The following ART3 variants were observed in gnomAD, a reference collection of about 807,000 sequenced individuals.
ART3 encodes the protein ecto-ADP-ribosyltransferase 3.
Under a neutral mutation model 48.5 loss-of-function variants are expected in ART3, and 49 were observed. The ratio of observed to expected loss-of-function variants is 1.01; its 90% CI spans 0.80 to 1.28. The LOEUF (loss-of-function observed/expected upper bound fraction) is 1.28, where lower values mean the gene tolerates loss of function less well. Among genes scored for constraint, ART3 ranks in the 50% most tolerant of loss-of-function variants. ART3 has a pLI of 0.00. For missense variants in ART3, 438 were observed against 454.3 expected (o/e 0.96, Z 0.33); for synonymous variants, 145 against 157.2 (o/e 0.92, Z 0.58).
At chr4:76,042,733 G>GT (rs1196325446) in intron 1 of ART3, among the ~76,000 whole-genome samples, 1 of 152,152 alleles carries the variant, frequency 6.6e-6, no homozygotes, top group Non-Finnish European at 1.5e-5. Context: ...CGCGGTGAGT[G>GT]TTACAGCTCA....
chr4:76,020,993 G>A (rs1304242857), intron 1 of ART3: 1 of 152,158 alleles, frequency 6.6e-6, no homozygotes, highest in East Asian at 1.9e-4. Flanking sequence ...AGGAGAGAGA[G>A]TGGTAATTCT....
chr4:76,048,791 G>C (rs112916144), intron 1 of ART3, among the ~76,000 whole-genome samples: 1 of 146,114 alleles, frequency 6.8e-6, no homozygotes, highest in African/African-American at 2.5e-5. Flanking sequence ...ACCACAAGGA[G>C]GACCGACCAC....
intron 1 of ART3, chr4:76,023,281 T>C (rs1452954337): frequency 1.9e-6 from 2 of 1,052,554 alleles, no homozygotes; most frequent in African/African-American, 3.2e-5. Flanking sequence ...GCAGTGAAAC[T>C]TTTACAAATA....
At chr4:76,105,509 C>A in intron 10 of ART3, 1 of 1,288,578 alleles carries the variant, frequency 7.8e-7, no homozygotes, top group Non-Finnish European at 1.0e-6. Context: ...CTGAAAACCT[C>A]TTTCTTGTTT....
intron 1 of ART3, among the ~76,000 whole-genome samples, chr4:76,029,586 T>TG (rs1364368305): frequency 6.6e-6 from 1 of 152,208 alleles, no homozygotes; most frequent in Non-Finnish European, 1.5e-5. Flanking sequence ...ACAGTTTTTT[T>TG]TGTGTGTGTA....
chr4:76,100,392 G>A (rs1483580651), intron 6 of ART3, 72 bp downstream of exon 6: 4 of 1,471,578 alleles, frequency 2.7e-6, no homozygotes, highest in African/African-American at 1.4e-5. Flanking sequence ...CAGCACTTTG[G>A]GAGGCCGAGG....
upstream of ART3, among the ~76,000 whole-genome samples, chr4:76,072,688 G>A (rs1720442814): frequency 1.7e-5 from 2 of 114,418 alleles, no homozygotes; most frequent in Non-Finnish European, 3.3e-5. Flanking sequence ...TTCTCTTAGA[G>A]TGAAAGCCAG....
rs1211374697 is a variant in ART3 at position 76,023,398 on chromosome 4, T to C, written c.-10+12078T>C. 1.4e-5 allele frequency: 22 copies of C among 1,613,884 alleles called. No individual in the cohort carries two copies. The highest frequency in any genetic ancestry group is 3.3e-5 in the Admixed American group (2 of 60,002). ...TGAATGCCACTTAGAGTCAGAAAGA[T>C]AAGGCAGCAAATCAGAATGGCAGTT... On this transcript the variant is annotated intron_variant, in intron 1 of 9. Transcript: ENST00000341029.
At chr4:76,046,964 C>T (rs1419227123) in intron 1 of ART3, among the ~76,000 whole-genome samples, 1 of 97,980 alleles carries the variant, frequency 1.0e-5, no homozygotes, top group Non-Finnish European at 2.1e-5. Context: ...AATAGTTAAA[C>T]ATACCCGGGG....
chr4:76,104,714 C>CATAT, intron 10 of ART3, 85 bp downstream of exon 10: 3 of 1,462,224 alleles, frequency 2.1e-6, no homozygotes, highest in Non-Finnish European at 2.8e-6. Flanking sequence ...ACTTTCTATG[C>CATAT]CTCATAATTG....
intron 1 of ART3, among the ~76,000 whole-genome samples, chr4:76,044,622 A>G (rs1341213894): frequency 6.7e-6 from 1 of 149,150 alleles, no homozygotes; most frequent in Admixed American, 6.7e-5. Context: ...TCTCTTTTTA[A>G]CTCTCTCTTT....
At chr4:76,096,606 A>G (rs1041296824) in intron 3 of ART3, among the ~76,000 whole-genome samples, 1 of 152,182 alleles carries the variant, frequency 6.6e-6, no homozygotes, top group African/African-American at 2.4e-5. Flanking sequence ...CTCATACTGC[A>G]CCCAATCTGT....
At chr4:76,063,557 G>A (rs1402104110) in intron 1 of ART3, among the ~76,000 whole-genome samples, 1 of 152,074 alleles carries the variant, frequency 6.6e-6, no homozygotes, top group African/African-American at 2.4e-5. Flanking sequence ...CCTGAATTTT[G>A]TTGAAAAAAT....
In ART3 at chr4:76,105,426, A is replaced by G. The variant is rs1182475023; in HGVS notation, c.1003+797A>G. 3.5e-6 allele frequency: 4 copies of G among 1,145,120 alleles called. No homozygotes were observed. In the African/African-American group the frequency reaches 6.5e-5, roughly 19 times the overall value. The allele number at this position is 1,145,120 out of a possible 1,614,324, so 70.9% of individuals were successfully genotyped here. On this transcript the variant is annotated intron_variant, in intron 10 of 11. Transcript: ENST00000355810. ...CTGTCTTGCAGGACTGATGAGATAA[A>G]GTACCTAGCAAAGTACCTAGCAAAA...
At chr4:76,107,611 C>T in intron 10 of ART3, 150 bp from the exon 11 acceptor site, 1 of 478,552 alleles carries the variant, frequency 2.1e-6, no homozygotes, top group South Asian at 3.6e-5. Context: ...AAACCCTTCC[C>T]CTAACCCCAC....
At chr4:76,035,287 T>G (rs1560586227) in intron 1 of ART3, 1 of 1,614,096 alleles carries the variant, frequency 6.2e-7, no homozygotes, top group Admixed American at 1.7e-5. Flanking sequence ...CCACTTTCAC[T>G]GCTTTTACCC....
At chr4:76,040,442 A>ACACACACG (rs1553926426) in intron 1 of ART3, among the ~76,000 whole-genome samples, 4 of 115,612 alleles carry the variant, frequency 3.5e-5, no homozygotes, top group Admixed American at 1.8e-4. Flanking sequence ...CTGGATACAC[A>ACACACACG]CACACACACA....
At chr4:76,042,769 G>T (rs554916142) in intron 1 of ART3, among the ~76,000 whole-genome samples, 5 of 152,206 alleles carry the variant, frequency 3.3e-5, no homozygotes, top group Admixed American at 3.3e-4. Flanking sequence ...CCCAAAGAGT[G>T]AGCAGCAGCA....
At chr4:76,044,510 G>A (rs1735304073) in intron 1 of ART3, among the ~76,000 whole-genome samples, 2 of 151,850 alleles carry the variant, frequency 1.3e-5, no homozygotes, top group African/African-American at 4.8e-5. Flanking sequence ...CCTTGGCTAG[G>A]AAGACAGAAA....
Sources: allele counts gnomAD v4.1 joint callset (sites outside exome capture counted in the v4.1 genomes callset), GRCh38; gene constraint gnomAD v4.1.1; transcripts MANE v1.5; gene names NCBI Gene and HGNC (gene_info 2026-07-23, HGNC 2026-07-21).